Variants in MAST4 observed in about 807,000 individuals in gnomAD.
The protein encoded by MAST4 is microtubule associated serine/threonine kinase family member 4.
MAST4 carries 89 observed loss-of-function variants against 162.7 expected under a neutral mutation model. The observed-to-expected ratio is 0.55, with a 90% CI of 0.46 to 0.65. The LOEUF (loss-of-function observed/expected upper bound fraction) is 0.65. Among genes scored for constraint, MAST4 ranks in the 30% least tolerant of loss-of-function variants. The pLI is 0.00. For synonymous variants in MAST4, 1,479 were observed against 1,361.1 expected (o/e 1.09, Z -1.91); for missense variants, 3,153 against 3,374.0 (o/e 0.93, Z 1.62).
chr5:66,981,344 G>A (rs576301506), intron 4 of MAST4, among the ~76,000 whole-genome samples: 44 of 152,288 alleles, frequency 2.9e-4, no homozygotes, highest in South Asian at 1.2e-3. Flanking sequence ...TCAATTGTTC[G>A]TTTCTCTACT....
At chr5:66,845,140 T>TACAC (rs1758753481) in intron 3 of MAST4, among the ~76,000 whole-genome samples, 3 of 110,284 alleles carry the variant, frequency 2.7e-5, no homozygotes, top group African/African-American at 7.4e-5. Context: ...CACACACACT[T>TACAC]GAAGTTCTAG....
At chr5:67,111,601 G>A (rs1766255213) in intron 11 of MAST4, among the ~76,000 whole-genome samples, 2 of 152,190 alleles carry the variant, frequency 1.3e-5, no homozygotes, top group Admixed American at 6.5e-5. Context: ...AGAATGGTTA[G>A]TTAACTTTTT....
chr5:67,132,943 G>A (rs189581640), intron 16 of MAST4, among the ~76,000 whole-genome samples: 18 of 151,888 alleles, frequency 1.2e-4, no homozygotes, highest in Admixed American at 4.6e-4. Flanking sequence ...CTGTAATACC[G>A]TATATACTAT....
chr5:66,715,699 T>A (rs552239922), intron 1 of MAST4, among the ~76,000 whole-genome samples: 135 of 137,326 alleles, frequency 9.8e-4, no homozygotes, highest in South Asian at 3.2e-3. Flanking sequence ...AAAAAAAAAA[T>A]TTAACCTGAA....
At chr5:66,738,930 G>A (rs866072967) in intron 1 of MAST4, among the ~76,000 whole-genome samples, 5 of 152,146 alleles carry the variant, frequency 3.3e-5, no homozygotes, top group Admixed American at 3.3e-4. Context: ...AACCTTAGAA[G>A]GTTTTTAGTC....
chr5:66,597,151 C>A, intron 1 of MAST4, 133 bp downstream of exon 1: 1 of 1,165,652 alleles, frequency 8.6e-7, no homozygotes, highest in Non-Finnish European at 1.1e-6. Flanking sequence ...CGCTCTGCCC[C>A]GAGCACGGGA....
intron 1 of MAST4, among the ~76,000 whole-genome samples, chr5:66,646,228 C>A (rs2149441859): frequency 6.7e-6 from 1 of 149,552 alleles, no homozygotes; most frequent in Non-Finnish European, 1.5e-5. Context: ...GGTTATTAAT[C>A]ATTATTAATG....
intron 4 of MAST4, among the ~76,000 whole-genome samples, chr5:66,981,721 G>C (rs895961768): frequency 3.3e-5 from 5 of 152,104 alleles, no homozygotes; most frequent in Non-Finnish European, 5.9e-5. Context: ...GCTTATTTTT[G>C]CCCCATTTAA....
chr5:66,690,137 T>G (rs1333067205), intron 1 of MAST4, among the ~76,000 whole-genome samples: 1 of 152,192 alleles, frequency 6.6e-6, no homozygotes, highest in African/African-American at 2.4e-5. Context: ...CATGTGACCT[T>G]GGACAAGTCA....
At chr5:66,880,422 ATATAT>A (rs1282111170) in intron 3 of MAST4, among the ~76,000 whole-genome samples, 2 of 152,190 alleles carry the variant, frequency 1.3e-5, no homozygotes, top group African/African-American at 4.8e-5. Flanking sequence ...GACTGTGGTA[ATATAT>A]TAACCATTCC....
intron 3 of MAST4, among the ~76,000 whole-genome samples, chr5:66,848,094 A>G (rs1296024980): frequency 6.6e-6 from 1 of 152,138 alleles, no homozygotes; most frequent in East Asian, 1.9e-4. Context: ...TTGGAACAAA[A>G]AGTATCCTAC....
At chr5:66,603,864 G>A (rs1208922138) in intron 1 of MAST4, among the ~76,000 whole-genome samples, 1 of 152,160 alleles carries the variant, frequency 6.6e-6, no homozygotes, top group African/African-American at 2.4e-5. Context: ...AGAGCATCTT[G>A]TTCTCTTTTA....
intron 4 of MAST4, among the ~76,000 whole-genome samples, chr5:66,944,012 C>T (rs1169978192): frequency 1.3e-5 from 2 of 152,072 alleles, no homozygotes; most frequent in African/African-American, 4.8e-5. Context: ...TAACCATCTC[C>T]CCGTTCTTTG....
chr5:67,098,981 A>C (rs1434423468), intron 7 of MAST4, among the ~76,000 whole-genome samples: 1 of 152,174 alleles, frequency 6.6e-6, no homozygotes, highest in East Asian at 1.9e-4. Context: ...GTGCTTTGCC[A>C]CCAAAAGAGA....
Position 66,720,828 on chromosome 5 carries a change from C to T in MAST4, c.364-38881C>T, listed in dbSNP as rs1028954858. 3.3e-5 allele frequency among the ~76,000 whole-genome samples: 5 copies of T among 152,056 alleles called. No homozygotes were observed. In the South Asian group the frequency reaches 1.0e-3, roughly 32 times the overall value. On this transcript the variant is annotated intron_variant, in intron 1 of 28. Transcript: ENST00000403625. ...TTAAGGTGACTTTTTCTCATTTTCT[C>T]TGTCCTCAAACTTTAAACATCTGTC...
chr5:66,808,895 C>G (rs973537184), intron 3 of MAST4, among the ~76,000 whole-genome samples: 1 of 152,090 alleles, frequency 6.6e-6, no homozygotes, highest in Non-Finnish European at 1.5e-5. Flanking sequence ...TCCCTGCCTT[C>G]GTGGAAATTA....
At chr5:67,049,065 A>ACACG (rs1561576808) in intron 4 of MAST4, among the ~76,000 whole-genome samples, 3 of 140,368 alleles carry the variant, frequency 2.1e-5, no homozygotes, top group African/African-American at 8.2e-5. Flanking sequence ...ATATACGTAT[A>ACACG]TATATATATA....
chr5:67,073,807 A>G (rs189702802), intron 5 of MAST4, among the ~76,000 whole-genome samples: 14 of 152,344 alleles, frequency 9.2e-5, no homozygotes, highest in African/African-American at 3.4e-4. Flanking sequence ...CTTCTTTCAT[A>G]CTATATATAC....
intron 3 of MAST4, among the ~76,000 whole-genome samples, chr5:66,874,804 C>G (rs768851321): frequency 3.3e-5 from 5 of 152,180 alleles, no homozygotes; most frequent in South Asian, 4.1e-4. Flanking sequence ...CCAGAGCTAT[C>G]TCAGAGCAGA....
Sources: allele counts gnomAD v4.1 joint callset (sites outside exome capture counted in the v4.1 genomes callset), GRCh38; gene constraint gnomAD v4.1.1; transcripts MANE v1.5; gene names NCBI Gene and HGNC (gene_info 2026-07-23, HGNC 2026-07-21).